TPRG1: variants seen among roughly 807,000 people sequenced by gnomAD.
TPRG1 encodes tumor protein p63 regulated 1, also known as tumor protein p63-regulated gene 1 protein.
In TPRG1, 29 loss-of-function variants were observed where a neutral mutation model predicts 29.3. The observed-to-expected ratio is 0.99, with a 90% CI of 0.74 to 1.35. The LOEUF is 1.35. TPRG1 is among the 40% of genes most tolerant of loss of function. TPRG1 has a pLI of 0.00. For synonymous variants in TPRG1, 130 were observed against 116.8 expected (o/e 1.11, Z -0.73); for missense variants, 327 against 335.0 (o/e 0.98, Z 0.19).
chr3:189,057,895 CATAT>C, intron 4 of TPRG1, among the ~76,000 whole-genome samples: 1 of 145,668 alleles, frequency 6.9e-6, no homozygotes, highest in East Asian at 2.0e-4. Context: ...TACGTATACA[CATAT>C]ATACACACGT....
intron 3 of TPRG1, among the ~76,000 whole-genome samples, chr3:189,133,203 A>G (rs1000847187): frequency 1.3e-5 from 2 of 152,206 alleles, no homozygotes; most frequent in Admixed American, 1.3e-4. Context: ...GACTGGGATC[A>G]GATCTGGAAA....
At chr3:189,309,324 C>T (rs1478679169) in intron 4 of TPRG1, among the ~76,000 whole-genome samples, 1 of 152,068 alleles carries the variant, frequency 6.6e-6, no homozygotes, top group Non-Finnish European at 1.5e-5. Flanking sequence ...ACAGCATTCC[C>T]GAAGGAATCC....
intron 4 of TPRG1, among the ~76,000 whole-genome samples, chr3:189,090,819 C>T (rs908902870): frequency 6.6e-5 from 10 of 151,944 alleles, no homozygotes; most frequent in African/African-American, 2.4e-4. Flanking sequence ...TTTTCTTTAA[C>T]AAATCTTTGT....
intron 4 of TPRG1, among the ~76,000 whole-genome samples, chr3:189,065,070 A>C (rs1716349492): frequency 6.6e-6 from 1 of 152,052 alleles, no homozygotes; most frequent in African/African-American, 2.4e-5. Flanking sequence ...ACAGCTACTC[A>C]AGAGGTTGAA....
At position 189,215,184 on chromosome 3, in the gene TPRG1, T is replaced by C. The variant is rs1735875777; in HGVS notation, c.211-108T>C. ...CATACAGGCAACTGCATAAACTATA[T>C]CCTTTGTGACCAGCTTTCCGGAGGA... On this transcript the variant is annotated intron_variant, in intron 2 of 5. Transcript: ENST00000345063. 6 of 841,546 alleles carry C rather than the reference T, an allele frequency of 7.1e-6. No individual in the cohort carries two copies. The East Asian group carries it at 1.1e-4, about 15-fold the overall frequency. 52.1% of individuals were successfully genotyped at this position (841,546 alleles called of 1,614,324 possible). A position where few individuals can be genotyped will look rare whatever the true frequency, so the allele number is the denominator to read the frequency against.
At chr3:189,237,921 C>CAGT (rs1739796219) in intron 3 of TPRG1, among the ~76,000 whole-genome samples, 1 of 152,140 alleles carries the variant, frequency 6.6e-6, no homozygotes, top group South Asian at 2.1e-4. Context: ...CTAAAGGCTA[C>CAGT]AGTAGGCAGA....
chr3:189,308,342 C>T (rs754118110), intron 4 of TPRG1, among the ~76,000 whole-genome samples: 49 of 152,240 alleles, frequency 3.2e-4, no homozygotes, highest in Non-Finnish European at 6.0e-4. Context: ...CATGTGAGTA[C>T]GTTACTATTA....
chr3:189,130,135 A>G (rs144679693), intron 2 of TPRG1, among the ~76,000 whole-genome samples: 171 of 152,352 alleles, frequency 1.1e-3, no homozygotes, highest in Non-Finnish European at 2.0e-3. Context: ...CAACCAGATG[A>G]TCATGATGTA....
chr3:189,019,620 T>C (rs1713174086), intron 3 of TPRG1, among the ~76,000 whole-genome samples: 1 of 152,212 alleles, frequency 6.6e-6, no homozygotes. Context: ...GATGTGCTGC[T>C]GGATTTGTTT....
At chr3:189,226,891 C>T (rs1450293431) in intron 3 of TPRG1, among the ~76,000 whole-genome samples, 2 of 151,352 alleles carry the variant, frequency 1.3e-5, no homozygotes, top group Non-Finnish European at 2.9e-5. Flanking sequence ...ACTACAGATG[C>T]TGCAAATGTT....
intron 3 of TPRG1, among the ~76,000 whole-genome samples, chr3:189,140,560 C>T (rs758183934): frequency 6.6e-6 from 1 of 152,176 alleles, no homozygotes; most frequent in Non-Finnish European, 1.5e-5. Flanking sequence ...TATTATTCTC[C>T]TTCTCTTGTC....
chr3:189,116,506 A>G lies in TPRG1; in HGVS notation c.-743-10551A>G, dbSNP rs548248355. ...GAGATATTTTTACACCCATATTCAT[A>G]GCAGCATTATTCACAGTAGCCAAAA... On this transcript the variant is annotated intron_variant, in intron 1 of 6. Coordinates refer to the TPRG1 transcript ENST00000412373. 6.6e-5 allele frequency among the ~76,000 whole-genome samples: 10 copies of G among 152,304 alleles called. No individual in the cohort carries two copies. The South Asian group carries it at 2.1e-3, about 32-fold the overall frequency.
intron 4 of TPRG1, among the ~76,000 whole-genome samples, chr3:189,067,537 C>T (rs1716531946): frequency 6.6e-6 from 1 of 152,080 alleles, no homozygotes; most frequent in South Asian, 2.1e-4. Context: ...TGAACTCTTT[C>T]TCAACAAAGG....
intron 1 of TPRG1, among the ~76,000 whole-genome samples, chr3:189,107,699 A>G (rs1333731715): frequency 6.6e-6 from 1 of 152,184 alleles, no homozygotes; most frequent in East Asian, 1.9e-4. Context: ...CCTGCTTTAA[A>G]TGAAAAAATG....
At chr3:189,217,759 T>C (rs1402045673) in intron 3 of TPRG1, 1 of 926,734 alleles carries the variant, frequency 1.1e-6, no homozygotes, top group Non-Finnish European at 1.3e-6. Context: ...GTCTAGCCAC[T>C]GTTACTTTTC....
At chr3:189,155,663 A>T (rs1260402427) in intron 5 of TPRG1, among the ~76,000 whole-genome samples, 1 of 152,244 alleles carries the variant, frequency 6.6e-6, no homozygotes, top group Non-Finnish European at 1.5e-5. Context: ...TTTAAAAAAG[A>T]GTAAAATCCT....
intron 5 of TPRG1, among the ~76,000 whole-genome samples, chr3:189,154,445 AT>A (rs11306539): frequency 0.31 from 44,536 of 145,336 alleles, 6,758 homozygotes; most frequent in Admixed American, 0.42. Flanking sequence ...TGCAGTGTAC[AT>A]TTTTTTTTTT....
intron 4 of TPRG1, among the ~76,000 whole-genome samples, chr3:189,025,017 G>T (rs2152126817): frequency 6.6e-6 from 1 of 152,324 alleles, no homozygotes; most frequent in South Asian, 2.1e-4. Flanking sequence ...GGGTCCTGCA[G>T]ACTGATGCTG....
chr3:189,044,555 CAAA>C (rs11431509), intron 4 of TPRG1, among the ~76,000 whole-genome samples: 2 of 98,736 alleles, frequency 2.0e-5, no homozygotes, highest in African/African-American at 3.4e-5. Flanking sequence ...AACTCCGTCT[CAAA>C]AAAAAAAAAA....
Sources: gnomAD v4.1 joint callset for allele counts (sites outside exome capture counted in the v4.1 genomes callset) on GRCh38, gnomAD v4.1.1 for gene constraint, MANE v1.5 for transcripts, NCBI Gene and HGNC (gene_info 2026-07-23, HGNC 2026-07-21) for gene names.